SYN3: variants seen among roughly 807,000 people sequenced by gnomAD.
The protein encoded by SYN3 is synapsin-3.
In SYN3, 35 loss-of-function variants were observed where a neutral mutation model predicts 65.8. The observed-to-expected ratio is 0.53, with a 90% CI of 0.41 to 0.70. The LOEUF (loss-of-function observed/expected upper bound fraction) is 0.70, where lower values mean the gene tolerates loss of function less well. Among genes scored for constraint, SYN3 ranks in the 30% least tolerant of loss-of-function variants. The pLI, the probability that SYN3 is intolerant of heterozygous loss-of-function variation, is 0.00. For missense variants in SYN3, 680 were observed against 749.0 expected, an observed-to-expected ratio of 0.91 and a Z score of 1.08; for synonymous variants, 270 against 292.9, an observed-to-expected ratio of 0.92 and a Z score of 0.80.
intron 7 of SYN3, among the ~76,000 whole-genome samples, chr22:32,560,470 C>G (rs546204192): frequency 6.6e-6 from 1 of 152,136 alleles, no homozygotes; most frequent in Non-Finnish European, 1.5e-5. Flanking sequence ...AATAAGACGT[C>G]GTCGAGTAAA....
intron 2 of SYN3, among the ~76,000 whole-genome samples, chr22:32,980,912 T>C (rs2052353323): frequency 6.6e-6 from 1 of 151,824 alleles, no homozygotes; most frequent in South Asian, 2.1e-4. Context: ...TAGAGTGCAA[T>C]GGCCTAGTCT....
intron 6 of SYN3, among the ~76,000 whole-genome samples, chr22:32,624,666 T>C (rs990519145): frequency 6.6e-6 from 1 of 152,188 alleles, no homozygotes; most frequent in Non-Finnish European, 1.5e-5. Flanking sequence ...GGCTGGGCCT[T>C]TGGTCGCTGG....
At chr22:32,965,451 A>G (rs376718825) in intron 3 of SYN3, among the ~76,000 whole-genome samples, 5 of 152,026 alleles carry the variant, frequency 3.3e-5, no homozygotes, top group African/African-American at 9.7e-5. Context: ...TATGTACCGA[A>G]TAAGTGTCCT....
At chr22:32,630,065 C>T (rs1194554779) in intron 6 of SYN3, among the ~76,000 whole-genome samples, 1 of 151,224 alleles carries the variant, frequency 6.6e-6, no homozygotes, top group Non-Finnish European at 1.5e-5. Context: ...CTCACTGCAA[C>T]CTCGGCCTCC....
chr22:32,539,237 T>C (rs2058214136), intron 8 of SYN3, among the ~76,000 whole-genome samples: 1 of 152,058 alleles, frequency 6.6e-6, no homozygotes, highest in African/African-American at 2.4e-5. Context: ...CACTGCACCG[T>C]AGTTGGCAAG....
chr22:32,873,731 G>C (rs1482158069), intron 4 of SYN3, among the ~76,000 whole-genome samples: 1 of 152,132 alleles, frequency 6.6e-6, no homozygotes, highest in East Asian at 1.9e-4. Context: ...ATATAAGCTG[G>C]GCTGATGGGA....
intron 3 of SYN3, among the ~76,000 whole-genome samples, chr22:32,949,641 C>T (rs2051229235): frequency 6.6e-6 from 1 of 152,050 alleles, no homozygotes; most frequent in African/African-American, 2.4e-5. Flanking sequence ...GGCACTGGCA[C>T]CTGACAAGAA....
At chr22:32,734,191 A>G (rs2061307082) in intron 6 of SYN3, among the ~76,000 whole-genome samples, 1 of 152,124 alleles carries the variant, frequency 6.6e-6, no homozygotes, top group African/African-American at 2.4e-5. Flanking sequence ...TGCATGTGGG[A>G]GCAATCGGAA....
chr22:32,721,245 G>A (rs192757508), intron 6 of SYN3, among the ~76,000 whole-genome samples: 442 of 152,308 alleles, frequency 2.9e-3, no homozygotes, highest in African/African-American at 0.01. Context: ...ACCTCCCCTG[G>A]TGCAGCCATG....
At chr22:32,615,778 A>C (rs1385143483) in intron 6 of SYN3, among the ~76,000 whole-genome samples, 1 of 152,126 alleles carries the variant, frequency 6.6e-6, no homozygotes, top group African/African-American at 2.4e-5. Flanking sequence ...CAGGGAGTAG[A>C]GATTTGGGAA....
chr22:32,740,690 T>G (rs1303914722), intron 6 of SYN3, among the ~76,000 whole-genome samples: 3 of 152,146 alleles, frequency 2.0e-5, no homozygotes, highest in African/African-American at 7.2e-5. Context: ...AGGGAAATGA[T>G]CTGATTGGGA....
chr22:32,833,907 G>C, intron 6 of SYN3: 1 of 497,994 alleles, frequency 2.0e-6, no homozygotes, highest in South Asian at 1.4e-5. Context: ...AATAGTATTA[G>C]AATTAGTATT....
At chr22:32,555,361 C>T (rs1021080805) in intron 7 of SYN3, among the ~76,000 whole-genome samples, 4 of 152,278 alleles carry the variant, frequency 2.6e-5, no homozygotes, top group African/African-American at 9.6e-5. Flanking sequence ...TGGAATCAAT[C>T]CTGATACAGA....
At chr22:32,911,451 C>A (rs2050048304) in intron 4 of SYN3, among the ~76,000 whole-genome samples, 1 of 152,150 alleles carries the variant, frequency 6.6e-6, no homozygotes, top group South Asian at 2.1e-4. Flanking sequence ...TCTTCTCCTG[C>A]CTCAGTGTTT....
intron 7 of SYN3, among the ~76,000 whole-genome samples, chr22:32,574,025 G>A (rs1416593701): frequency 2.7e-5 from 4 of 150,580 alleles, no homozygotes; most frequent in East Asian, 2.0e-4. Flanking sequence ...CAATCCTCCC[G>A]CCTCGGCCCC....
At chr22:32,963,500 A>G (rs1211032657) in intron 3 of SYN3, among the ~76,000 whole-genome samples, 8 of 152,190 alleles carry the variant, frequency 5.3e-5, no homozygotes, top group African/African-American at 1.9e-4. Context: ...TGGAGAAAGC[A>G]TAAGTATATG....
rs1054933138 is a variant in SYN3 at position 32,990,238 on chromosome 22, CATTT to C, written c.312-9540_312-9537del. Among the ~76,000 whole-genome samples, 7 of 152,000 alleles carry C rather than the reference CATTT, an allele frequency of 4.6e-5. 1 individual carries two copies. Among genetic ancestry groups the C allele is most frequent in the East Asian group, 3.9e-4 (2 of 5,148 alleles). On this transcript the variant is annotated intron_variant, in intron 2 of 13. Coordinates refer to ENST00000358763, the MANE Select transcript of SYN3 (RefSeq NM_003490.4). ...AGAGCACCAAAAGAGAGGCTAAGAC[CATTT>C]ATTATCCATTCATCCACCCAACTAC...
chr22:32,915,075 G>C (rs2146602962), intron 4 of SYN3, among the ~76,000 whole-genome samples: 1 of 152,226 alleles, frequency 6.6e-6, no homozygotes. Flanking sequence ...CATTCAATGA[G>C]AACACATGGA....
chr22:32,922,049 A>G (rs1469475019), intron 4 of SYN3, among the ~76,000 whole-genome samples: 1 of 152,254 alleles, frequency 6.6e-6, no homozygotes, highest in Non-Finnish European at 1.5e-5. Flanking sequence ...ATGGGCACTT[A>G]GCACAGCCCT....
Sources: allele counts gnomAD v4.1 joint callset (sites outside exome capture counted in the v4.1 genomes callset), GRCh38; gene constraint gnomAD v4.1.1; transcripts MANE v1.5; gene names NCBI Gene and HGNC (gene_info 2026-07-23, HGNC 2026-07-21).